Variants in SUGCT observed in about 807,000 individuals in gnomAD.
SUGCT encodes succinyl-CoA:glutarate-CoA transferase, also known as succinyl-CoA:glutarate CoA-transferase.
In SUGCT, 41 loss-of-function variants were observed where a neutral mutation model predicts 55.0. The ratio of observed to expected loss-of-function variants is 0.74; its 90% CI spans 0.58 to 0.97. The LOEUF (loss-of-function observed/expected upper bound fraction) is 0.97, where lower values mean the gene tolerates loss of function less well. SUGCT is among the 50% of genes least tolerant of loss of function. The pLI is 0.00. For synonymous variants in SUGCT, 187 were observed against 200.4 expected (o/e 0.93, Z 0.56); for missense variants, 568 against 547.8 (o/e 1.04, Z -0.37).
chr7:40,826,497 A>C (rs975971298), intron 13 of SUGCT, among the ~76,000 whole-genome samples: 4 of 152,214 alleles, frequency 2.6e-5, no homozygotes, highest in Admixed American at 1.3e-4. Flanking sequence ...GGAGAATGGG[A>C]GTAATCTGTG....
At chr7:40,529,725 A>G (rs1421458030) in intron 12 of SUGCT, among the ~76,000 whole-genome samples, 2 of 152,184 alleles carry the variant, frequency 1.3e-5, no homozygotes, top group Non-Finnish European at 2.9e-5. Context: ...TGTATGGAAA[A>G]CCATATCAAT....
intron 11 of SUGCT, among the ~76,000 whole-genome samples, chr7:40,464,935 G>A (rs1261598784): frequency 1.3e-5 from 2 of 152,162 alleles, no homozygotes; most frequent in Non-Finnish European, 2.9e-5. Context: ...CATAAGTTAA[G>A]GATTATCTAT....
intron 5 of SUGCT, among the ~76,000 whole-genome samples, chr7:40,194,339 G>T (rs766886855): frequency 2.0e-5 from 3 of 152,246 alleles, no homozygotes; most frequent in South Asian, 2.1e-4. Flanking sequence ...ACGGCTCATT[G>T]CAGCCTCAAT....
At chr7:40,991,176 G>A in the SUGCT span, among the ~76,000 whole-genome samples, 2 of 152,168 alleles carry the variant, frequency 1.3e-5, no homozygotes, top group Non-Finnish European at 2.9e-5. Context: ...CCATTGCAGG[G>A]TTATTAATTA....
intron 1 of SUGCT, among the ~76,000 whole-genome samples, chr7:40,173,834 A>G (rs993086210): frequency 6.7e-6 from 1 of 149,320 alleles, no homozygotes; most frequent in African/African-American, 2.4e-5. Flanking sequence ...GAAATAATAT[A>G]TAGTATATCA....
chr7:40,926,953 A>G, the SUGCT span, among the ~76,000 whole-genome samples: 166 of 152,348 alleles, frequency 1.1e-3, no homozygotes, highest in African/African-American at 3.7e-3. Flanking sequence ...TAGAGCTGCC[A>G]GGGCTCTTGT....
chr7:40,917,870 C>G, the SUGCT span, among the ~76,000 whole-genome samples: 3 of 152,134 alleles, frequency 2.0e-5, no homozygotes, highest in Non-Finnish European at 4.4e-5. Context: ...ATGACCTCAT[C>G]TAATCCTAAT....
At chr7:40,531,745 C>A (rs967672209) in intron 12 of SUGCT, among the ~76,000 whole-genome samples, 9 of 152,250 alleles carry the variant, frequency 5.9e-5, no homozygotes, top group African/African-American at 2.2e-4. Context: ...ACGATCTCGG[C>A]TCACTGTAAG....
chr7:40,896,463 C>T, the SUGCT span, among the ~76,000 whole-genome samples: 2 of 152,154 alleles, frequency 1.3e-5, no homozygotes, highest in Non-Finnish European at 1.5e-5. Flanking sequence ...ACAATCCCCA[C>T]GTGTTGTGGG....
intron 12 of SUGCT, among the ~76,000 whole-genome samples, chr7:40,533,815 A>G (rs1794217488): frequency 6.6e-6 from 1 of 152,170 alleles, no homozygotes; most frequent in South Asian, 2.1e-4. Context: ...TAAATACAGC[A>G]TGTTTTAAAA....
chr7:40,536,550 A>G (rs771223926), intron 12 of SUGCT, among the ~76,000 whole-genome samples: 3 of 152,236 alleles, frequency 2.0e-5, no homozygotes, highest in Non-Finnish European at 4.4e-5. Context: ...TGGATGTGAG[A>G]TAGCCACATA....
At chr7:40,810,335 A>C (rs570990892) in intron 13 of SUGCT, among the ~76,000 whole-genome samples, 92 of 152,202 alleles carry the variant, frequency 6.0e-4, no homozygotes, top group African/African-American at 2.1e-3. Flanking sequence ...TCTTTGAGAA[A>C]TCTCCAAACT....
At chr7:40,473,011 T>G (rs1053642940) in intron 11 of SUGCT, among the ~76,000 whole-genome samples, 2 of 152,204 alleles carry the variant, frequency 1.3e-5, no homozygotes, top group Non-Finnish European at 2.9e-5. Context: ...ATATTTTTCT[T>G]TCTTTGATTT....
At chr7:40,704,756 C>T (rs954851544) in intron 12 of SUGCT, among the ~76,000 whole-genome samples, 3 of 152,228 alleles carry the variant, frequency 2.0e-5, no homozygotes, top group African/African-American at 7.2e-5. Flanking sequence ...TCCAGATACT[C>T]TTCTAAGGGC....
At chr7:40,492,079 A>G (rs1791715242) in intron 11 of SUGCT, among the ~76,000 whole-genome samples, 1 of 152,168 alleles carries the variant, frequency 6.6e-6, no homozygotes, top group Admixed American at 6.5e-5. Flanking sequence ...AGTTAACATC[A>G]TCAAATACTA....
At chr7:40,475,317 T>C (rs1342664956) in intron 11 of SUGCT, among the ~76,000 whole-genome samples, 1 of 152,186 alleles carries the variant, frequency 6.6e-6, no homozygotes, top group East Asian at 1.9e-4. Context: ...AGGTTGAAAC[T>C]GAAAGCTCTG....
intron 9 of SUGCT, among the ~76,000 whole-genome samples, chr7:40,405,974 A>T (rs534705604): frequency 6.6e-6 from 1 of 152,164 alleles, no homozygotes; most frequent in South Asian, 2.1e-4. Context: ...GGGAATTGCA[A>T]TAGAGTTTAA....
chr7:40,304,358 C>T (rs1000783112), intron 8 of SUGCT, among the ~76,000 whole-genome samples: 13 of 151,868 alleles, frequency 8.6e-5, no homozygotes, highest in African/African-American at 3.1e-4. Flanking sequence ...ACCCCATTTA[C>T]AACAGACTCA....
At position 40,679,100 on chromosome 7, in the gene SUGCT, G is replaced by C. The variant is rs537417269; in HGVS notation, c.1090-70334G>C. On this transcript the variant is annotated intron_variant, in intron 12 of 13. Transcript: ENST00000335693. ...CCTTCTGAAGGGTTCAGGCCATTGG[G>C]CTTCCCATATTCTTATGCCTCATTC... Among the ~76,000 whole-genome samples, 3 of 152,262 alleles carry C rather than the reference G, an allele frequency of 2.0e-5. No homozygotes were observed. In the East Asian group the frequency reaches 5.8e-4, roughly 29 times the overall value.
Sources: gnomAD v4.1 joint callset for allele counts (sites outside exome capture counted in the v4.1 genomes callset) on GRCh38, gnomAD v4.1.1 for gene constraint, MANE v1.5 for transcripts, NCBI Gene and HGNC (gene_info 2026-07-23, HGNC 2026-07-21) for gene names.